NRG3: variants seen among roughly 807,000 people sequenced by gnomAD.
The protein encoded by NRG3 is pro-neuregulin-3, membrane-bound isoform.
In NRG3, 31 loss-of-function variants were observed where a neutral mutation model predicts 66.9. The ratio of observed to expected loss-of-function variants is 0.46; its 90% confidence interval spans 0.35 to 0.63. NRG3 has a LOEUF of 0.63. Ranked by LOEUF, NRG3 falls within the 20% of genes least tolerant of loss-of-function variation. The pLI is 0.00. For synonymous variants in NRG3, 393 were observed against 359.4 expected, an observed-to-expected ratio of 1.09 and a Z score of -1.06; for missense variants, 910 against 878.9, an observed-to-expected ratio of 1.04 and a Z score of -0.45.
Position 82,562,497 on chromosome 10 carries a change from A to G in NRG3, c.954-176080A>G, listed in dbSNP as rs143767734. 1.8e-3 allele frequency among the ~76,000 whole-genome samples: 271 copies of G among 152,338 alleles called. 1 individual carries two copies. The highest frequency in any genetic ancestry group is 5.9e-3 in the African/African-American group (247 of 41,586). On this transcript the variant is annotated intron_variant, in intron 2 of 8. Transcript: ENST00000372141. ...TGATAAAAGAATTAATGGAAAAGTA[A>G]TTGTAGAGACAAAAAACTGAGAAAG...
intron 1 of NRG3, among the ~76,000 whole-genome samples, chr10:81,903,913 A>G (rs927799768): frequency 1.3e-5 from 2 of 152,028 alleles, no homozygotes; most frequent in Admixed American, 6.6e-5. Flanking sequence ...GAATCAGGAA[A>G]GTGAGTCACA....
chr10:82,231,221 T>TAATCCC, intron 1 of NRG3, among the ~76,000 whole-genome samples: 1 of 152,088 alleles, frequency 6.6e-6, no homozygotes, highest in Non-Finnish European at 1.5e-5. Context: ...CAGGTGCCCG[T>TAATCCC]AATCCCATCT....
chr10:82,423,878 C>CA (rs1272548920), intron 2 of NRG3, among the ~76,000 whole-genome samples: 1 of 151,950 alleles, frequency 6.6e-6, no homozygotes, highest in East Asian at 1.9e-4. Context: ...ACATTTCATA[C>CA]AAATTGAATC....
chr10:82,297,159 C>T (rs1284120765), intron 1 of NRG3, among the ~76,000 whole-genome samples: 3 of 152,168 alleles, frequency 2.0e-5, no homozygotes, highest in African/African-American at 7.2e-5. Context: ...ATATGTACCA[C>T]AGTTTCTTTA....
intron 1 of NRG3, among the ~76,000 whole-genome samples, chr10:82,220,914 T>C (rs1375133145): frequency 6.6e-6 from 1 of 152,030 alleles, no homozygotes; most frequent in East Asian, 1.9e-4. Flanking sequence ...AGCCCAGGAG[T>C]TGGATGCTGC....
At chr10:82,137,972 A>G (rs962417275) in intron 1 of NRG3, among the ~76,000 whole-genome samples, 2 of 152,076 alleles carry the variant, frequency 1.3e-5, no homozygotes, top group Non-Finnish European at 2.9e-5. Flanking sequence ...GGCTACTGGT[A>G]TTTTCTCATC....
Position 82,916,040 on chromosome 10 carries a change from A to G in NRG3, c.1055-35429A>G, listed in dbSNP as rs1176796536. Among the ~76,000 whole-genome samples the G allele has an allele frequency of 2.0e-5, 3 of 152,210 alleles. No individual in the cohort carries two copies. In the East Asian group the frequency reaches 5.8e-4, roughly 29 times the overall value. ...GAATGGAGGAAGGCAAAAAAATCCA[A>G]AAAATATATCATGTTCTATTTGTAT... On this transcript the variant is annotated intron_variant, in intron 4 of 8. Transcript: ENST00000372141.
At chr10:82,053,489 A>G (rs1428646068) in intron 1 of NRG3, among the ~76,000 whole-genome samples, 1 of 152,206 alleles carries the variant, frequency 6.6e-6, no homozygotes, top group Non-Finnish European at 1.5e-5. Flanking sequence ...TCCAGAAGAC[A>G]CTCAGATCAG....
intron 2 of NRG3, among the ~76,000 whole-genome samples, chr10:82,389,766 T>C (rs536984998): frequency 2.0e-5 from 3 of 152,278 alleles, no homozygotes; most frequent in African/African-American, 7.2e-5. Context: ...TTAAAATAGA[T>C]TCAAAAAAGT....
At chr10:81,994,258 C>T (rs1259374953) in intron 1 of NRG3, among the ~76,000 whole-genome samples, 1 of 152,012 alleles carries the variant, frequency 6.6e-6, no homozygotes, top group Non-Finnish European at 1.5e-5. Flanking sequence ...ACTTAAAATG[C>T]TTTTTATGCC....
chr10:82,064,104 A>G (rs1216619887), intron 1 of NRG3, among the ~76,000 whole-genome samples: 1 of 152,216 alleles, frequency 6.6e-6, no homozygotes, highest in Non-Finnish European at 1.5e-5. Flanking sequence ...ATAGGGAAAC[A>G]ACATTGACAT....
At chr10:82,793,282 CCT>C (rs1365337030) in intron 3 of NRG3, among the ~76,000 whole-genome samples, 1 of 151,984 alleles carries the variant, frequency 6.6e-6, no homozygotes, top group Non-Finnish European at 1.5e-5. Flanking sequence ...TTTTACTTTT[CCT>C]CTCTGTTTAT....
At position 82,669,136 on chromosome 10, in the gene NRG3, A is replaced by G. The variant is rs542050207; in HGVS notation, c.954-69441A>G. Among the ~76,000 whole-genome samples the G allele has an allele frequency of 9.2e-5, 14 of 152,200 alleles. 1 individual carries two copies. In the East Asian group the frequency reaches 2.7e-3, roughly 29 times the overall value. Reference sequence around the variant, plus strand: ...GTGTATTGTTTGATCCAAATATTGTATGTTGCAAATTGAAAGTCTGCCATC... The same window carrying G: ...GTGTATTGTTTGATCCAAATATTGTGTGTTGCAAATTGAAAGTCTGCCATC... On this transcript the variant is annotated intron_variant, in intron 2 of 8. Transcript: ENST00000372141.
intron 1 of NRG3, among the ~76,000 whole-genome samples, chr10:82,332,911 G>A (rs2082206637): frequency 6.6e-6 from 1 of 152,094 alleles, no homozygotes; most frequent in Admixed American, 6.6e-5. Flanking sequence ...GCAAACATAG[G>A]CATTTATATT....
At chr10:82,661,709 A>G (rs780032076) in intron 2 of NRG3, among the ~76,000 whole-genome samples, 9 of 152,188 alleles carry the variant, frequency 5.9e-5, no homozygotes, top group Non-Finnish European at 8.8e-5. Context: ...TGTGTGGCGT[A>G]TTTATGTATT....
intron 2 of NRG3, among the ~76,000 whole-genome samples, chr10:82,364,603 C>T (rs1247564485): frequency 6.6e-6 from 1 of 152,022 alleles, no homozygotes; most frequent in African/African-American, 2.4e-5. Context: ...TTTGAATGGA[C>T]CAAATGTGTT....
At chr10:81,892,147 AT>A (rs1843066287) in intron 1 of NRG3, among the ~76,000 whole-genome samples, 1 of 152,106 alleles carries the variant, frequency 6.6e-6, no homozygotes, top group Non-Finnish European at 1.5e-5. Context: ...AAAGAATTCC[AT>A]CCCCTTCTTC....
chr10:82,592,571 A>G (rs1292272717), intron 2 of NRG3, among the ~76,000 whole-genome samples: 1 of 152,220 alleles, frequency 6.6e-6, no homozygotes, highest in Non-Finnish European at 1.5e-5. Flanking sequence ...GTACCAGCAC[A>G]TAGCAGAGGC....
intron 1 of NRG3, among the ~76,000 whole-genome samples, chr10:82,038,832 C>G (rs776715657): frequency 6.6e-6 from 1 of 152,082 alleles, no homozygotes; most frequent in Non-Finnish European, 1.5e-5. Flanking sequence ...AAACTGGTTT[C>G]TGTCATCCTC....
Sources: gnomAD v4.1 joint callset for allele counts (sites outside exome capture counted in the v4.1 genomes callset) on GRCh38, gnomAD v4.1.1 for gene constraint, MANE v1.5 for transcripts, NCBI Gene and HGNC (gene_info 2026-07-23, HGNC 2026-07-21) for gene names.